RSPH1: variants seen among roughly 807,000 people sequenced by gnomAD.
The protein encoded by RSPH1 is radial spoke head component 1, also known as radial spoke head 1 homolog.
RSPH1 carries 32 observed loss-of-function variants against 44.2 expected under a neutral mutation model. The observed-to-expected ratio is 0.72, with a 90% confidence interval of 0.55 to 0.97. The LOEUF is 0.97. RSPH1 is among the 50% of genes least tolerant of loss of function. RSPH1 has a pLI of 0.00. For synonymous variants in RSPH1, 134 were observed against 147.3 expected (o/e 0.91, Z 0.65); for missense variants, 391 against 398.7 (o/e 0.98, Z 0.16).
chr21:42,491,211 C>T (rs930184408), intron 3 of RSPH1, among the ~76,000 whole-genome samples: 8 of 152,116 alleles, frequency 5.3e-5, no homozygotes, highest in African/African-American at 1.9e-4. Context: ...CCTCCGGATC[C>T]ACAACTTGAG....
intron 4 of RSPH1, chr21:42,486,063 G>T: frequency 1.7e-6 from 1 of 586,208 alleles, no homozygotes; most frequent in Non-Finnish European, 3.0e-6. Context: ...CCAGGGAAGA[G>T]GCAGAGCTAG....
At chr21:42,475,540 C>G (rs1399425843) in intron 8 of RSPH1, among the ~76,000 whole-genome samples, 2 of 148,730 alleles carry the variant, frequency 1.3e-5, no homozygotes, top group African/African-American at 5.0e-5. Flanking sequence ...TGTACTCCAG[C>G]CTGGGTGACA....
chr21:42,476,195 C>T (rs1483480170), intron 7 of RSPH1, 148 bp from the exon 8 acceptor site: 4 of 770,228 alleles, frequency 5.2e-6, no homozygotes, highest in South Asian at 1.8e-5. Context: ...AACATCCACC[C>T]AGCCCAGCCT....
Position 42,475,814 on chromosome 21 carries a change from G to A in RSPH1, c.877+84C>T, listed in dbSNP as rs973410558. 11 of 1,492,258 alleles carry A rather than the reference G, an allele frequency of 7.4e-6. No homozygotes were observed. The South Asian group carries it at 1.2e-4, about 16-fold the overall frequency. 92.4% of individuals were successfully genotyped at this position (1,492,258 alleles called of 1,614,324 possible). On this transcript the variant is annotated intron_variant, in intron 8 of 8. Transcript: ENST00000291536. The stretch of plus-strand genomic sequence containing the variant: ...GTCCCTGGGGCCCAGCTGAAGGCAG[G>A]CCTTGGTGAAGGGAAGGGGAATCCC...
Position 42,477,570 on chromosome 21 carries a change from A to G in RSPH1, c.574-126T>C. On this transcript the variant is annotated intron_variant, in intron 6 of 8. Coordinates refer to ENST00000291536, the MANE Select transcript of RSPH1 (RefSeq NM_080860.4). ...TGGCTTGTGTTTCAGCCTTTTTAGGACGTCACTCAGGAATCAGACCAGTTG... is the reference window on the plus strand; with the variant it reads ...TGGCTTGTGTTTCAGCCTTTTTAGGGCGTCACTCAGGAATCAGACCAGTTG... 4.3e-6 allele frequency: 4 copies of G among 925,182 alleles called. No individual in the cohort carries two copies. The South Asian group carries it at 4.6e-5, about 11-fold the overall frequency. 57.3% of individuals were successfully genotyped at this position (925,182 alleles called of 1,614,324 possible).
chr21:42,482,626 C>A lies in RSPH1; in HGVS notation c.573+11G>T. On this transcript the variant is annotated intron_variant, in intron 6 of 8. Coordinates refer to ENST00000291536, the MANE Select transcript of RSPH1 (RefSeq NM_080860.4). ...TTAATGTAACAAAACCCTACATGCT[C>A]CGCAACTTACCATATCTGTTAAACG... 6.2e-7 allele frequency: 1 copy of A among 1,602,222 alleles called. No individual in the cohort carries two copies. The highest frequency in any genetic ancestry group is 8.5e-7 in the Non-Finnish European group (1 of 1,170,594).
At chr21:42,480,788 G>A (rs938929451) in intron 6 of RSPH1, among the ~76,000 whole-genome samples, 1 of 152,092 alleles carries the variant, frequency 6.6e-6, no homozygotes, top group Non-Finnish European at 1.5e-5. Context: ...AGCAGTGGGC[G>A]GCACAGAGCA....
chr21:42,486,233 A>G (rs937736951), intron 4 of RSPH1, 138 bp downstream of exon 4: 4 of 703,240 alleles, frequency 5.7e-6, no homozygotes, highest in Admixed American at 2.3e-5. Flanking sequence ...AAAGCCATAG[A>G]AAGATTGGAC....
At chr21:42,473,696 A>G (rs2032324) in intron 8 of RSPH1, among the ~76,000 whole-genome samples, 2,025 of 152,288 alleles carry the variant, frequency 0.013, 54 homozygotes, top group African/African-American at 0.047. Flanking sequence ...CATTATTTTG[A>G]TAAATGTTCT....
At chr21:42,489,645 C>T (rs923499701) in intron 3 of RSPH1, among the ~76,000 whole-genome samples, 1 of 152,226 alleles carries the variant, frequency 6.6e-6, no homozygotes, top group African/African-American at 2.4e-5. Flanking sequence ...TGGGGAAACA[C>T]TCGGTGTCAG....
In RSPH1 at chr21:42,492,858, G is replaced by C. The variant is rs766210388; in HGVS notation, c.174C>G (p.Ile58Met). The part of the protein sequence containing the change: ...YEFGKRHGQG[I>M]YKFKNGARYI... ...ATCGAGCACCATTTTTAAATTTGTA[G>C]ATCCCCTGAAACACATTGATTATAT... The change falls in exon 3 of 9, where the codon ATC (isoleucine) becomes ATG (methionine). Residue 58 changes from isoleucine to methionine, a missense_variant. Transcript: ENST00000291536. The C allele has an allele frequency of 4.3e-6, 7 of 1,609,776 alleles. No individual in the cohort carries two copies. The highest frequency in any genetic ancestry group is 6.0e-6 in the Non-Finnish European group (7 of 1,176,116).
chr21:42,494,246 A>T (rs759050158), intron 1 of RSPH1, among the ~76,000 whole-genome samples: 2 of 152,076 alleles, frequency 1.3e-5, no homozygotes, highest in Non-Finnish European at 2.9e-5. Flanking sequence ...TTAAATATAC[A>T]TAATAAAATT....
Position 42,480,581 on chromosome 21 carries a change from G to A in RSPH1, c.573+2056C>T, listed in dbSNP as rs530944517. Among the ~76,000 whole-genome samples the A allele has an allele frequency of 7.0e-3, 1,012 of 143,968 alleles. 6 individuals carry two copies. The highest frequency in any genetic ancestry group is 8.7e-3 in the Non-Finnish European group (581 of 66,826). 94.4% of individuals were successfully genotyped at this position (143,968 alleles called of 152,430 possible). A position where few individuals can be genotyped will look rare whatever the true frequency, so the allele number is the denominator to read the frequency against. ...CTTGAACCCGGGAGGTGGAGTTTGCGTTGAGCCGAGATCACGCCATTGCAC... is the reference window on the plus strand; with the variant it reads ...CTTGAACCCGGGAGGTGGAGTTTGCATTGAGCCGAGATCACGCCATTGCAC... On this transcript the variant is annotated intron_variant, in intron 6 of 8. Transcript: ENST00000291536.
chr21:42,480,668 C>CAAAAAAAAAAAAAT (rs2054118183), intron 6 of RSPH1, among the ~76,000 whole-genome samples: 1 of 137,350 alleles, frequency 7.3e-6, no homozygotes, highest in African/African-American at 2.7e-5. Flanking sequence ...AAAAAAAAAC[C>CAAAAAAAAAAAAAT]TGTCTGGAGA....
rs201100138 is a variant in RSPH1, at chr21:42,477,344, G to A, written c.674C>T (p.Pro225Leu). ...TCCATCCGTAGAGGTCGGCTTTTTG[G>A]GGAGAGTTGGTGTCCACAGGGCCAA... Reference protein sequence around the residue: ...TELALWTPTLPKKPTSTDGPG... With the variant: ...TELALWTPTLLKKPTSTDGPG... Residue 225 changes from proline to leucine, a missense_variant, in exon 7 of 9, where the codon CCC becomes CTC. By Grantham distance (98) the Pro-to-Leu change is moderately conservative. Transcript: ENST00000291536. The A allele has an allele frequency of 5.8e-5, 93 of 1,614,136 alleles. No individual in the cohort carries two copies. Among genetic ancestry groups the A allele is most frequent in the East Asian group, 4.9e-4 (22 of 44,886 alleles).
At chr21:42,492,624 C>G (rs974912718) in intron 3 of RSPH1, 134 bp downstream of exon 3, 4 of 625,114 alleles carry the variant, frequency 6.4e-6, no homozygotes, top group South Asian at 1.9e-5. Flanking sequence ...TATAGTAACA[C>G]GATCTGTGTT....
chr21:42,476,177 C>A, intron 7 of RSPH1, 130 bp from the exon 8 acceptor site: 1 of 856,444 alleles, frequency 1.2e-6, no homozygotes, highest in Non-Finnish European at 1.8e-6. Context: ...CCTCATGTTC[C>A]CCATCTCAAC....
At position 42,494,290 on chromosome 21, in the gene RSPH1, T is replaced by C. The variant is rs142594478; in HGVS notation, c.55-1211A>G. 3.6e-3 allele frequency among the ~76,000 whole-genome samples: 549 copies of C among 152,278 alleles called. 2 individuals carry two copies. Among genetic ancestry groups the C allele is most frequent in the Middle Eastern group, 0.014 (4 of 292 alleles). On this transcript the variant is annotated intron_variant, in intron 1 of 8. Transcript: ENST00000291536. Reference sequence around the variant, plus strand: ...ATTAAAATTAAGAAATTGAATTGGATGTATATAGACTTATTATAACACAAG... The same window carrying C: ...ATTAAAATTAAGAAATTGAATTGGACGTATATAGACTTATTATAACACAAG...
intron 1 of RSPH1, among the ~76,000 whole-genome samples, chr21:42,494,704 AT>A (rs113496002): frequency 0.14 from 20,549 of 145,418 alleles, 1,665 homozygotes; most frequent in Non-Finnish European, 0.19. Context: ...TGAACAAGTG[AT>A]TTTTTTTTTT....
Sources: allele counts gnomAD v4.1 joint callset (sites outside exome capture counted in the v4.1 genomes callset), GRCh38; gene constraint gnomAD v4.1.1; transcripts MANE v1.5; gene names NCBI Gene and HGNC (gene_info 2026-07-23, HGNC 2026-07-21).